VSTM4: variants seen among roughly 807,000 people sequenced by gnomAD.
VSTM4 encodes V-set and transmembrane domain-containing protein 4.
A neutral mutation model predicts 36.4 loss-of-function variants in VSTM4; 20 were observed. The ratio of observed to expected loss-of-function variants is 0.55; its 90% CI spans 0.39 to 0.80. VSTM4 has a LOEUF of 0.80. Among genes scored for constraint, VSTM4 ranks in the 30% least tolerant of loss-of-function variants. VSTM4 has a pLI of 0.00. For missense variants in VSTM4, 392 were observed against 404.5 expected (o/e 0.97, Z 0.26); for synonymous variants, 182 against 173.9 (o/e 1.05, Z -0.37).
In VSTM4 at chr10:49,096,622, C is replaced by CGTGTGTGTGTGTGTGTGTGT. The variant is rs57143308; in HGVS notation, c.458-10619_458-10600dup. On this transcript the variant is annotated intron_variant, in intron 2 of 7. Coordinates refer to ENST00000332853, the MANE Select transcript of VSTM4 (RefSeq NM_001031746.5). ...ATTGGGTTGAAAAGCCATTGAAGAC[C>CGTGTGTGTGTGTGTGTGTGT]GTGTGTGTGTGTGTGTGTGTGTGTG... 2.9e-3 allele frequency among the ~76,000 whole-genome samples: 352 copies of CGTGTGTGTGTGTGTGTGTGT among 122,562 alleles called. 15 individuals are homozygous for CGTGTGTGTGTGTGTGTGTGT. Among genetic ancestry groups the CGTGTGTGTGTGTGTGTGTGT allele is most frequent in the African/African-American group, 0.012 (338 of 28,938 alleles). 80.4% of individuals were successfully genotyped at this position (122,562 alleles called of 152,430 possible).
intron 5 of VSTM4, among the ~76,000 whole-genome samples, chr10:49,063,626 T>A (rs1843921338): frequency 1.3e-5 from 2 of 152,220 alleles, no homozygotes; most frequent in South Asian, 4.1e-4. Flanking sequence ...TATTTTGGTC[T>A]GTTTGGTTTA....
At chr10:49,037,810 C>G (rs776568661) in intron 7 of VSTM4, among the ~76,000 whole-genome samples, 2 of 151,970 alleles carry the variant, frequency 1.3e-5, no homozygotes, top group Non-Finnish European at 2.9e-5. Flanking sequence ...ACTTGAATAG[C>G]CATTTCTCCA....
chr10:49,041,382 G>T (rs1843519038), intron 7 of VSTM4, among the ~76,000 whole-genome samples: 2 of 152,110 alleles, frequency 1.3e-5, no homozygotes, highest in South Asian at 2.1e-4. Flanking sequence ...GTTATTTAAA[G>T]AACTATTATT....
Position 49,115,474 on chromosome 10 carries a change from C to T in VSTM4, c.12G>A (p.Leu4=), listed in dbSNP as rs1330844240. The T allele has an allele frequency of 6.8e-6, 7 of 1,029,522 alleles. No individual in the cohort carries two copies. In the East Asian group the frequency reaches 6.2e-4, roughly 91 times the overall value. The allele number at this position is 1,029,522 out of a possible 1,614,324, so 63.8% of individuals were successfully genotyped here. Residue 4 remains leucine, a synonymous_variant, in exon 1 of 8, where the codon CTG becomes CTA. Transcript: ENST00000332853. The part of the protein sequence containing the change: MRL[L]ALAAAALLAR... The stretch of plus-strand genomic sequence containing the variant: ...CCAGCAGCGCGGCCGCCGCCAGTGC[C>T]AGCAGCCGCATCTCCCCGCCGCCGC...
intron 5 of VSTM4, among the ~76,000 whole-genome samples, chr10:49,058,277 C>T (rs773639897): frequency 2.0e-5 from 3 of 152,174 alleles, no homozygotes; most frequent in African/African-American, 7.2e-5. Context: ...CTTTGTGGTG[C>T]CCCTTCAGTC....
chr10:49,020,427 C>T (rs1030301623), intron 7 of VSTM4, among the ~76,000 whole-genome samples: 1 of 151,688 alleles, frequency 6.6e-6, no homozygotes, highest in African/African-American at 2.4e-5. Context: ...GAAATAAACC[C>T]AGACTGCATA....
chr10:49,069,470 C>A (rs1198000468), intron 4 of VSTM4, among the ~76,000 whole-genome samples: 1 of 152,238 alleles, frequency 6.6e-6, no homozygotes, highest in African/African-American at 2.4e-5. Context: ...CTCCCCATCT[C>A]CTGCAGCCCA....
intron 5 of VSTM4, among the ~76,000 whole-genome samples, chr10:49,050,589 T>C (rs1336113286): frequency 6.6e-6 from 1 of 152,218 alleles, no homozygotes; most frequent in East Asian, 1.9e-4. Context: ...GGGTCAATTG[T>C]GTAAATTCAC....
intron 1 of VSTM4, among the ~76,000 whole-genome samples, chr10:49,108,279 C>T (rs1201096203): frequency 6.6e-6 from 1 of 152,236 alleles, no homozygotes; most frequent in Non-Finnish European, 1.5e-5. Context: ...TAATTAGTTG[C>T]TGACGTTTAA....
chr10:49,104,495 C>A (rs1235490757), intron 2 of VSTM4, among the ~76,000 whole-genome samples: 1 of 152,140 alleles, frequency 6.6e-6, no homozygotes, highest in African/African-American at 2.4e-5. Context: ...AGCTCCAACC[C>A]AAACAGCCTG....
chr10:49,044,450 GAAAGAAAGAAAGAA>G (rs1030241062), intron 7 of VSTM4, among the ~76,000 whole-genome samples: 9 of 104,056 alleles, frequency 8.6e-5, no homozygotes, highest in Admixed American at 2.6e-4. Flanking sequence ...AGGAAGGAGA[GAAAGAAAGAAAGAA>G]AAAGAAAGAA....
At chr10:49,108,794 C>T (rs1217805449) in intron 1 of VSTM4, among the ~76,000 whole-genome samples, 1 of 152,136 alleles carries the variant, frequency 6.6e-6, no homozygotes. Context: ...CGAGGGCTGC[C>T]CACTCCCAGC....
intron 2 of VSTM4, among the ~76,000 whole-genome samples, chr10:49,105,463 C>T (rs1389019578): frequency 2.0e-5 from 3 of 148,524 alleles, no homozygotes; most frequent in Non-Finnish European, 4.5e-5. Flanking sequence ...AGAAAAGAGG[C>T]GGGGAGTGAA....
intron 2 of VSTM4, among the ~76,000 whole-genome samples, chr10:49,095,948 A>G (rs1489999046): frequency 6.6e-6 from 1 of 152,174 alleles, no homozygotes; most frequent in Non-Finnish European, 1.5e-5. Flanking sequence ...TAAGTTTTTA[A>G]TCTAAACTCT....
rs997172973 is a variant in VSTM4 at position 49,018,779 on chromosome 10, A to G, written c.*871T>C. On this transcript the variant is annotated 3_prime_UTR_variant, in exon 8 of 8. Transcript: ENST00000332853. The stretch of plus-strand genomic sequence containing the variant: ...CTTGGCGTGTACTTCCCACTCTCCT[A>G]CCCTGAGGGCACCTGGCAGCAGACA... 3.9e-5 allele frequency: 6 copies of G among 152,158 alleles called. No individual in the cohort carries two copies. Among genetic ancestry groups the G allele is most frequent in the Admixed American group, 1.3e-4 (2 of 15,278 alleles). The allele number at this position is 152,158 out of a possible 1,614,324, so 9.4% of individuals were successfully genotyped here. A position where few individuals can be genotyped will look rare whatever the true frequency, so the allele number is the denominator to read the frequency against.
At chr10:49,037,047 T>C (rs1388689942) in intron 7 of VSTM4, among the ~76,000 whole-genome samples, 1 of 152,220 alleles carries the variant, frequency 6.6e-6, no homozygotes, top group Non-Finnish European at 1.5e-5. Flanking sequence ...ATATACCTGG[T>C]TGACATACGG....
intron 1 of VSTM4, among the ~76,000 whole-genome samples, chr10:49,109,287 G>A (rs1844849700): frequency 6.6e-6 from 1 of 152,168 alleles, no homozygotes; most frequent in African/African-American, 2.4e-5. Context: ...GAGGAAAGTG[G>A]AAAAACAGAT....
At chr10:49,025,581 G>A (rs1413836714) in intron 7 of VSTM4, among the ~76,000 whole-genome samples, 3 of 152,190 alleles carry the variant, frequency 2.0e-5, no homozygotes, top group African/African-American at 7.2e-5. Flanking sequence ...CTGGGTTGCT[G>A]GCAGCCCACA....
intron 7 of VSTM4, among the ~76,000 whole-genome samples, chr10:49,038,612 C>T (rs1327927753): frequency 3.3e-5 from 5 of 152,148 alleles, no homozygotes; most frequent in Admixed American, 2.6e-4. Context: ...GTGTATTTTA[C>T]CACGATTTAG....
Sources: allele counts gnomAD v4.1 joint callset (sites outside exome capture counted in the v4.1 genomes callset), GRCh38; gene constraint gnomAD v4.1.1; transcripts MANE v1.5; gene names NCBI Gene and HGNC (gene_info 2026-07-23, HGNC 2026-07-21).